Variants in TENM4 observed in about 807,000 individuals in gnomAD.
TENM4 encodes the protein teneurin transmembrane protein 4, also known as teneurin-4.
TENM4 carries 82 observed loss-of-function variants against 243.3 expected under a neutral mutation model. The observed-to-expected ratio is 0.34, with a 90% CI of 0.28 to 0.40. TENM4 has a LOEUF of 0.40. Among genes scored for constraint, TENM4 ranks in the 10% least tolerant of loss-of-function variants. The pLI, the probability that TENM4 is intolerant of heterozygous loss-of-function variation, is 1.00. For missense variants in TENM4, 3,138 were observed against 3,673.3 expected (o/e 0.85, Z 3.77); for synonymous variants, 1,412 against 1,456.3 (o/e 0.97, Z 0.69).
chr11:79,238,044 GC>G (rs1222450989), intron 2 of TENM4, among the ~76,000 whole-genome samples: 2 of 152,134 alleles, frequency 1.3e-5, no homozygotes, highest in Admixed American at 6.5e-5. Flanking sequence ...CTCATTAACT[GC>G]CCCTCATATG....
At chr11:79,202,520 A>T (rs1863761126) in intron 3 of TENM4, among the ~76,000 whole-genome samples, 1 of 152,250 alleles carries the variant, frequency 6.6e-6, no homozygotes, top group Non-Finnish European at 1.5e-5. Context: ...TTCAGACCCG[A>T]TTTGAAGCTT....
At position 78,974,151 on chromosome 11, in the gene TENM4, AG is replaced by A. The variant is rs746362771; in HGVS notation, c.494-70629del. Among the ~76,000 whole-genome samples, 9 of 152,326 alleles carry A rather than the reference AG, an allele frequency of 5.9e-5. No homozygotes were observed. The East Asian group carries it at 1.7e-3, about 29-fold the overall frequency. The stretch of plus-strand genomic sequence containing the variant: ...GGTGTTCTTGTTGGCAAGTTCCCTG[AG>A]GGTGGGGACTGGTTTATTCATATGG... On this transcript the variant is annotated intron_variant, in intron 6 of 33. Coordinates refer to ENST00000278550, the MANE Select transcript of TENM4 (RefSeq NM_001098816.3).
chr11:78,735,918 T>C (rs1855779725), intron 20 of TENM4, among the ~76,000 whole-genome samples: 1 of 145,394 alleles, frequency 6.9e-6, no homozygotes, highest in African/African-American at 2.5e-5. Flanking sequence ...TTTCTCCCTT[T>C]CTCTCTTTTC....
intron 18 of TENM4, among the ~76,000 whole-genome samples, chr11:78,759,267 G>A (rs1856381768): frequency 1.3e-5 from 2 of 152,198 alleles, no homozygotes; most frequent in Admixed American, 1.3e-4. Flanking sequence ...ACATTCTCAT[G>A]CTGCCCCTGT....
chr11:78,958,422 G>C (rs1396584622), intron 6 of TENM4, among the ~76,000 whole-genome samples: 1 of 152,228 alleles, frequency 6.6e-6, no homozygotes, highest in Non-Finnish European at 1.5e-5. Context: ...TTTTTCAACT[G>C]TGACTAGTTG....
chr11:78,931,721 T>C (rs891940367), intron 6 of TENM4, among the ~76,000 whole-genome samples: 64 of 152,344 alleles, frequency 4.2e-4, no homozygotes, highest in African/African-American at 1.3e-3. Context: ...TAAAGAGTAC[T>C]AGTGGTTCTG....
intron 2 of TENM4, among the ~76,000 whole-genome samples, chr11:79,242,351 G>A (rs568500265): frequency 4.0e-5 from 6 of 151,756 alleles, no homozygotes; most frequent in South Asian, 2.1e-4. Context: ...ACCCAACACC[G>A]ATGACCAATA....
At chr11:79,010,226 A>C (rs890563422) in intron 6 of TENM4, among the ~76,000 whole-genome samples, 2 of 152,134 alleles carry the variant, frequency 1.3e-5, no homozygotes, top group African/African-American at 2.4e-5. Flanking sequence ...CCTTTACATG[A>C]TACTTTTCAT....
chr11:78,944,903 T>C (rs958786411), intron 6 of TENM4, among the ~76,000 whole-genome samples: 1 of 152,202 alleles, frequency 6.6e-6, no homozygotes, highest in African/African-American at 2.4e-5. Context: ...GGGATTTGAA[T>C]TGAGGTCTGT....
intron 6 of TENM4, among the ~76,000 whole-genome samples, chr11:79,041,297 C>T (rs1859520851): frequency 6.6e-6 from 1 of 152,062 alleles, no homozygotes; most frequent in Non-Finnish European, 1.5e-5. Flanking sequence ...TTCCTGACCT[C>T]AGATGATCCG....
chr11:78,689,364 C>A, intron 28 of TENM4, among the ~76,000 whole-genome samples: 1 of 152,020 alleles, frequency 6.6e-6, no homozygotes, highest in East Asian at 1.9e-4. Context: ...CTTAAATAGC[C>A]TTTTTGCACT....
chr11:79,425,276 A>C (rs1859024586), intron 1 of TENM4, among the ~76,000 whole-genome samples: 1 of 152,030 alleles, frequency 6.6e-6, no homozygotes, highest in South Asian at 2.1e-4. Flanking sequence ...CCAATTTCTC[A>C]CCCCCTGCAG....
At chr11:78,853,727 C>T (rs1298131986) in intron 12 of TENM4, among the ~76,000 whole-genome samples, 1 of 152,214 alleles carries the variant, frequency 6.6e-6, no homozygotes, top group Non-Finnish European at 1.5e-5. Flanking sequence ...AAACCCAAAC[C>T]ACAAATCAGT....
intron 6 of TENM4, among the ~76,000 whole-genome samples, chr11:79,030,211 T>C (rs1859190975): frequency 6.6e-6 from 1 of 152,154 alleles, no homozygotes; most frequent in South Asian, 2.1e-4. Flanking sequence ...GCCACTTACA[T>C]GGATTATTTG....
At chr11:78,688,604 G>A (rs1437227763) in intron 28 of TENM4, among the ~76,000 whole-genome samples, 2 of 152,282 alleles carry the variant, frequency 1.3e-5, no homozygotes, top group South Asian at 2.1e-4. Flanking sequence ...AGACTCCCCA[G>A]AAATGATGTA....
chr11:78,716,209 C>T (rs866877246), intron 25 of TENM4, among the ~76,000 whole-genome samples: 6 of 152,046 alleles, frequency 3.9e-5, no homozygotes, highest in Admixed American at 6.5e-5. Flanking sequence ...ACCCTGCTGC[C>T]CAGGATCTAA....
chr11:78,962,661 C>T (rs1301833489), intron 6 of TENM4, among the ~76,000 whole-genome samples: 1 of 152,208 alleles, frequency 6.6e-6, no homozygotes, highest in Non-Finnish European at 1.5e-5. Flanking sequence ...GGGGTCTAGT[C>T]CTGACGGGGC....
chr11:78,691,268 C>A (rs995226963), intron 28 of TENM4, among the ~76,000 whole-genome samples: 1 of 152,224 alleles, frequency 6.6e-6, no homozygotes, highest in Non-Finnish European at 1.5e-5. Flanking sequence ...CTGCCAGCAG[C>A]GTGACCCTGG....
At chr11:79,362,034 CG>C (rs1431067304) in intron 1 of TENM4, among the ~76,000 whole-genome samples, 1 of 152,054 alleles carries the variant, frequency 6.6e-6, no homozygotes, top group Non-Finnish European at 1.5e-5. Flanking sequence ...ATATGTATCT[CG>C]GGAGGCCTTC....
Sources: gnomAD v4.1 joint callset for allele counts (sites outside exome capture counted in the v4.1 genomes callset) on GRCh38, gnomAD v4.1.1 for gene constraint, MANE v1.5 for transcripts, NCBI Gene and HGNC (gene_info 2026-07-23, HGNC 2026-07-21) for gene names.